The following SDK2 variants were observed in gnomAD, a reference collection of about 807,000 sequenced individuals.
The protein encoded by SDK2 is sidekick cell adhesion molecule 2, also known as protein sidekick-2.
Under a neutral mutation model 253.9 loss-of-function variants are expected in SDK2, and 105 were observed. The observed-to-expected ratio is 0.41, with a 90% CI of 0.35 to 0.49. The LOEUF (loss-of-function observed/expected upper bound fraction) is 0.49, where lower values mean the gene tolerates loss of function less well. Ranked by LOEUF, SDK2 falls within the 20% of genes least tolerant of loss-of-function variation. The pLI is 0.06. For synonymous variants in SDK2, 1,249 were observed against 1,234.9 expected (o/e 1.01, Z -0.24); for missense variants, 2,608 against 3,003.0 (o/e 0.87, Z 3.07).
intron 1 of SDK2, among the ~76,000 whole-genome samples, chr17:73,610,312 C>T (rs905185178): frequency 4.6e-5 from 7 of 152,228 alleles, no homozygotes; most frequent in Non-Finnish European, 7.3e-5. Flanking sequence ...CCCAGCCAGT[C>T]ACTTAGGGCA....
chr17:73,487,485 G>T (rs80198583), intron 2 of SDK2, among the ~76,000 whole-genome samples: 1 of 152,352 alleles, frequency 6.6e-6, no homozygotes, highest in Admixed American at 6.5e-5. Flanking sequence ...ACTGACAGAT[G>T]GGGCGGGAGG....
Position 73,447,834 on chromosome 17 carries a change from G to T in SDK2, c.480-86C>A. On this transcript the variant is annotated intron_variant, in intron 4 of 44. Coordinates refer to ENST00000392650, the MANE Select transcript of SDK2 (RefSeq NM_001144952.2). This position sits in a 1 kb window ranked among gnomAD's most constrained non-coding sequence, Gnocchi z 4.0. ...TGGGAGTGGAAACCCTAAGGGGGAA[G>T]CCCGACCATATCTCCCAGTCCCCAG... is the stretch of plus-strand genomic sequence containing the variant. The T allele has an allele frequency of 6.7e-7, 1 of 1,484,282 alleles. No homozygotes were observed. The highest frequency in any genetic ancestry group is 9.2e-7 in the Non-Finnish European group (1 of 1,092,476). 91.9% of individuals were successfully genotyped at this position (1,484,282 alleles called of 1,614,324 possible). A position where few individuals can be genotyped will look rare whatever the true frequency, so the allele number is the denominator to read the frequency against.
In SDK2 at chr17:73,518,556, T is replaced by G. The variant is rs182738864; in HGVS notation, c.65-10959A>C. 90 of 152,260 alleles carry G rather than the reference T, an allele frequency of 5.9e-4. 2 individuals carry two copies. The highest frequency in any genetic ancestry group is 5.4e-3 in the Admixed American group (83 of 15,294). The allele number at this position is 152,260 out of a possible 1,614,324, so 9.4% of individuals were successfully genotyped here. A position where few individuals can be genotyped will look rare whatever the true frequency, so the allele number is the denominator to read the frequency against. ...GGGCCAAAGCACCTCCAACCTTGCA[T>G]GGAAAAAAGACGGTTCTCATTTCCA... On this transcript the variant is annotated intron_variant, in intron 1 of 44. Transcript: ENST00000392650.
Position 73,467,270 on chromosome 17 carries a change from CTCT to C in SDK2, c.331+4839_331+4841del, listed in dbSNP as rs753698652. On this transcript the variant is annotated intron_variant, in intron 3 of 44. Transcript: ENST00000392650. The surrounding 1 kb of genome is among the most constrained non-coding windows in gnomAD (Gnocchi z 4.1). ...TCCCACACACCCAATTTTGATTTTT[CTCT>C]TCTTGTCCTCAAGCAGTAGAGTGGC... 1.3e-5 allele frequency among the ~76,000 whole-genome samples: 2 copies of C among 151,948 alleles called. No homozygotes were observed.
At chr17:73,342,748 G>A (rs554221955) in intron 44 of SDK2, among the ~76,000 whole-genome samples, 94 of 152,280 alleles carry the variant, frequency 6.2e-4, no homozygotes, top group African/African-American at 2.2e-3. Flanking sequence ...GGGAAGTTCT[G>A]GCTCTTACCA....
Position 73,432,496 on chromosome 17 carries a change from A to G in SDK2, c.1313-827T>C, listed in dbSNP as rs146677356. Among the ~76,000 whole-genome samples the G allele has an allele frequency of 2.1e-3, 313 of 152,206 alleles. 1 individual carries two copies. The highest frequency in any genetic ancestry group is 7.4e-3 in the African/African-American group (309 of 41,526). ...TAAGCACGTGCCTAGGTGTGCCCCT[A>G]TTATCCCCACAAATGTTTATTGAGT... is the stretch of plus-strand genomic sequence containing the variant. On this transcript the variant is annotated intron_variant, in intron 10 of 44. Transcript: ENST00000392650.
intron 1 of SDK2, among the ~76,000 whole-genome samples, chr17:73,551,065 C>T (rs1388071689): frequency 6.6e-6 from 1 of 152,170 alleles, no homozygotes; most frequent in Non-Finnish European, 1.5e-5. Context: ...ACCTGTGATA[C>T]AGGACAGAGC....
At chr17:73,567,448 C>T (rs755421328) in intron 1 of SDK2, among the ~76,000 whole-genome samples, 3 of 152,260 alleles carry the variant, frequency 2.0e-5, no homozygotes, top group Non-Finnish European at 4.4e-5. Context: ...CAAGCAAAAA[C>T]GTGGGGTTGA....
intron 1 of SDK2, among the ~76,000 whole-genome samples, chr17:73,604,618 C>T (rs1458813841): frequency 6.6e-6 from 1 of 152,178 alleles, no homozygotes; most frequent in Non-Finnish European, 1.5e-5. Context: ...TCCAGGAGAC[C>T]TTGGTGACCC....
At chr17:73,547,225 G>C (rs907159731) in intron 1 of SDK2, among the ~76,000 whole-genome samples, 2 of 152,244 alleles carry the variant, frequency 1.3e-5, no homozygotes, top group Non-Finnish European at 2.9e-5. Context: ...CCTCTGCAGG[G>C]CAGGCAGGTC....
intron 1 of SDK2, among the ~76,000 whole-genome samples, chr17:73,587,240 G>GCTCAT (rs1388646752): frequency 6.6e-6 from 1 of 152,180 alleles, no homozygotes; most frequent in Non-Finnish European, 1.5e-5. Context: ...AATCAGCTCA[G>GCTCAT]CTGCCCCCTC....
In SDK2 at chr17:73,457,806, C is replaced by A. The variant is rs149343463; in HGVS notation, c.332-1753G>T. ...GGGGCCGCATCCTAAGCTACCGGGTCCCCTCCTACTGCATTGGGTGTTATT... is the reference window on the plus strand; with the variant it reads ...GGGGCCGCATCCTAAGCTACCGGGTACCCTCCTACTGCATTGGGTGTTATT... On this transcript the variant is annotated intron_variant, in intron 3 of 44. Coordinates refer to ENST00000392650, the MANE Select transcript of SDK2 (RefSeq NM_001144952.2). Among the ~76,000 whole-genome samples the A allele has an allele frequency of 1.9e-3, 288 of 152,280 alleles. 1 individual carries two copies. Among genetic ancestry groups the A allele is most frequent in the African/African-American group, 6.3e-3 (260 of 41,562 alleles).
intron 1 of SDK2, among the ~76,000 whole-genome samples, chr17:73,568,895 A>G (rs1398664104): frequency 6.6e-6 from 1 of 152,186 alleles, no homozygotes; most frequent in Non-Finnish European, 1.5e-5. Context: ...CTTTTGTGAT[A>G]CATCACATGA....
intron 18 of SDK2, among the ~76,000 whole-genome samples, chr17:73,407,892 G>A (rs72853988): frequency 6.6e-6 from 1 of 152,250 alleles, no homozygotes; most frequent in Non-Finnish European, 1.5e-5. Context: ...AAGTCAAGAA[G>A]AAATGATAAT....
At chr17:73,385,945 C>A in intron 31 of SDK2, 28 bp from the exon 32 acceptor site, 1 of 1,549,234 alleles carries the variant, frequency 6.5e-7, no homozygotes, top group South Asian at 1.2e-5. Context: ...CAGGTGGGTT[C>A]TGGGGGCCGC....
At chr17:73,426,006 T>C (rs1303337822) in intron 12 of SDK2, among the ~76,000 whole-genome samples, 3 of 152,078 alleles carry the variant, frequency 2.0e-5, no homozygotes, top group Non-Finnish European at 4.4e-5. Context: ...TTTACATGAA[T>C]GGTATACAGC....
At chr17:73,401,908 G>T (rs190283588) in intron 19 of SDK2, 38 bp downstream of exon 19, 11 of 1,355,544 alleles carry the variant, frequency 8.1e-6, no homozygotes, top group Admixed American at 4.1e-5. Flanking sequence ...GGCCTTGGGC[G>T]GGGGGGGGCA....
chr17:73,547,689 A>G (rs778034549), intron 1 of SDK2, among the ~76,000 whole-genome samples: 7 of 152,182 alleles, frequency 4.6e-5, no homozygotes, highest in Non-Finnish European at 8.8e-5. Context: ...AGGGAGGGCA[A>G]AGGAAAAAGT....
Position 73,469,992 on chromosome 17 carries a change from GCACACACA to G in SDK2, c.331+2112_331+2119del, listed in dbSNP as rs34448667. On this transcript the variant is annotated intron_variant, in intron 3 of 44. Transcript: ENST00000392650. ...ATGGCATTTGCGACTGCGCGCGCGCGCACACACACACACACACACACACACACACACAC... is the reference window on the plus strand; with the variant it reads ...ATGGCATTTGCGACTGCGCGCGCGCGCACACACACACACACACACACACAC... Among the ~76,000 whole-genome samples the G allele has an allele frequency of 4.4e-4, 55 of 126,256 alleles. 1 individual carries two copies. Among genetic ancestry groups the G allele is most frequent in the South Asian group, 6.0e-4 (2 of 3,306 alleles). 82.8% of individuals were successfully genotyped at this position (126,256 alleles called of 152,430 possible).
Sources: allele counts gnomAD v4.1 joint callset (sites outside exome capture counted in the v4.1 genomes callset), GRCh38; gene constraint gnomAD v4.1.1; non-coding constraint Gnocchi (gnomAD v3.1); transcripts MANE v1.5; gene names NCBI Gene and HGNC (gene_info 2026-07-23, HGNC 2026-07-21).